The following KCNH7 variants were observed in gnomAD, a reference collection of about 807,000 sequenced individuals.
KCNH7 encodes voltage-gated inwardly rectifying potassium channel KCNH7.
A neutral mutation model predicts 120.8 loss-of-function variants in KCNH7; 49 were observed. The observed-to-expected ratio is 0.41, with a 90% CI of 0.32 to 0.51. The LOEUF (loss-of-function observed/expected upper bound fraction) is 0.51. Ranked by LOEUF, KCNH7 falls within the 20% of genes least tolerant of loss-of-function variation. The pLI is 0.38. For missense variants in KCNH7, 1,097 were observed against 1,446.6 expected (o/e 0.76, Z 3.92); for synonymous variants, 547 against 516.1 (o/e 1.06, Z -0.81).
At chr2:162,425,036 A>T (rs1687813775) in intron 8 of KCNH7, among the ~76,000 whole-genome samples, 1 of 152,112 alleles carries the variant, frequency 6.6e-6, no homozygotes, top group South Asian at 2.1e-4. Context: ...CATCCAACTC[A>T]TTGAAGGCCT....
chr2:162,686,656 A>T (rs1685903409), intron 2 of KCNH7, among the ~76,000 whole-genome samples: 1 of 152,106 alleles, frequency 6.6e-6, no homozygotes, highest in African/African-American at 2.4e-5. Context: ...AGAACTGTGG[A>T]TCTCTACTTG....
intron 2 of KCNH7, among the ~76,000 whole-genome samples, chr2:162,794,225 G>A (rs1001773028): frequency 6.6e-6 from 1 of 151,408 alleles, no homozygotes; most frequent in Non-Finnish European, 1.5e-5. Flanking sequence ...AAAGAAGGAA[G>A]GAAGGAAGGG....
At chr2:162,837,547 T>C (rs1204000044) in intron 1 of KCNH7, among the ~76,000 whole-genome samples, 1 of 152,326 alleles carries the variant, frequency 6.6e-6, no homozygotes, top group Middle Eastern at 3.4e-3. Context: ...CAAGTTTAGT[T>C]TGTACGCAAG....
chr2:162,631,040 G>C (rs1186778551), intron 2 of KCNH7, among the ~76,000 whole-genome samples: 1 of 152,134 alleles, frequency 6.6e-6, no homozygotes, highest in East Asian at 1.9e-4. Flanking sequence ...TACTAGGTTA[G>C]TGTCAACTGC....
At chr2:162,489,709 C>T (rs1690226283) in intron 6 of KCNH7, among the ~76,000 whole-genome samples, 1 of 152,164 alleles carries the variant, frequency 6.6e-6, no homozygotes, top group Non-Finnish European at 1.5e-5. Context: ...ATTCTTATAG[C>T]TTCCAGATAT....
intron 3 of KCNH7, among the ~76,000 whole-genome samples, chr2:162,520,615 C>CA (rs961862425): frequency 5.3e-5 from 8 of 151,152 alleles, no homozygotes; most frequent in South Asian, 2.1e-4. Flanking sequence ...ACAACAACAA[C>CA]AAAAAAAACT....
chr2:162,820,033 C>CTTTTTTTTT (rs66809770), intron 2 of KCNH7, among the ~76,000 whole-genome samples: 6 of 77,040 alleles, frequency 7.8e-5, no homozygotes, highest in African/African-American at 1.0e-4. Context: ...ATTCCATAAA[C>CTTTTTTTTT]TTTTTTTTTT....
chr2:162,505,895 G>A (rs16846778), intron 5 of KCNH7, among the ~76,000 whole-genome samples: 5,344 of 151,804 alleles, frequency 0.035, 401 homozygotes, highest in Admixed American at 0.18. Context: ...TTAAGATTTT[G>A]CATTTTGGAC....
chr2:162,573,648 TG>T lies in KCNH7; in HGVS notation c.308-36569del, dbSNP rs539562821. ...GCAAAAGTATTTCGGCCACCTTTTT[TG>T]TGTGTGTGTTTATGTTGCATACATC... On this transcript the variant is annotated intron_variant, in intron 2 of 15. Coordinates refer to ENST00000332142, the MANE Select transcript of KCNH7 (RefSeq NM_033272.4). 5.7e-3 allele frequency among the ~76,000 whole-genome samples: 861 copies of T among 152,134 alleles called. 9 individuals are homozygous for T. Among genetic ancestry groups the T allele is most frequent in the African/African-American group, 0.02 (812 of 41,528 alleles).
intron 6 of KCNH7, among the ~76,000 whole-genome samples, chr2:162,462,693 T>G (rs1689185018): frequency 1.3e-5 from 2 of 152,084 alleles, no homozygotes. Context: ...CACAGTTAGA[T>G]GATTCCTCAT....
chr2:162,729,571 T>C (rs1687649018), intron 2 of KCNH7, among the ~76,000 whole-genome samples: 1 of 152,196 alleles, frequency 6.6e-6, no homozygotes. Flanking sequence ...ATCATTTGTG[T>C]ATACAGACAA....
chr2:162,568,022 G>C (rs1051773875), intron 2 of KCNH7, among the ~76,000 whole-genome samples: 1 of 151,982 alleles, frequency 6.6e-6, no homozygotes, highest in African/African-American at 2.4e-5. Context: ...AAATTAAAAA[G>C]TTTTAATTGA....
intron 2 of KCNH7, among the ~76,000 whole-genome samples, chr2:162,725,004 G>A (rs1459029181): frequency 6.6e-6 from 1 of 152,200 alleles, no homozygotes; most frequent in African/African-American, 2.4e-5. Context: ...TCAGCCAACA[G>A]CTTGCTGATG....
At chr2:162,490,715 C>G (rs74869128) in intron 6 of KCNH7, among the ~76,000 whole-genome samples, 2,213 of 152,304 alleles carry the variant, frequency 0.015, 57 homozygotes, top group African/African-American at 0.051. Flanking sequence ...CCATCACTCT[C>G]AGGGCTTGGG....
chr2:162,394,287 G>T, intron 12 of KCNH7, 102 bp downstream of exon 12: 1 of 742,642 alleles, frequency 1.3e-6, no homozygotes, highest in South Asian at 1.5e-5. Flanking sequence ...CCTAAAGCCT[G>T]AGTAAAATAT....
At chr2:162,790,798 A>C (rs1012512400) in intron 2 of KCNH7, among the ~76,000 whole-genome samples, 15 of 152,094 alleles carry the variant, frequency 9.9e-5, no homozygotes, top group Admixed American at 7.9e-4. Flanking sequence ...CATAATAAAA[A>C]CTCAACAAAT....
At chr2:162,769,572 A>G (rs1018959332) in intron 2 of KCNH7, among the ~76,000 whole-genome samples, 3 of 152,164 alleles carry the variant, frequency 2.0e-5, no homozygotes, top group African/African-American at 7.2e-5. Context: ...GAAAAGGTAG[A>G]GAAAAATACA....
intron 2 of KCNH7, among the ~76,000 whole-genome samples, chr2:162,671,665 C>G (rs556314859): frequency 6.6e-6 from 1 of 151,770 alleles, no homozygotes; most frequent in South Asian, 2.1e-4. Flanking sequence ...CACCACTATG[C>G]AATATATCTA....
At position 162,780,711 on chromosome 2, in the gene KCNH7, ATG is replaced by A. The variant is rs1446955822; in HGVS notation, c.307+55824_307+55825del. Among the ~76,000 whole-genome samples the A allele has an allele frequency of 4.6e-5, 7 of 152,284 alleles. No individual in the cohort carries two copies. In the South Asian group the frequency reaches 1.0e-3, roughly 23 times the overall value. On this transcript the variant is annotated intron_variant, in intron 2 of 15. Coordinates refer to ENST00000332142, the MANE Select transcript of KCNH7 (RefSeq NM_033272.4). ...TTATGTAAAGTTAGTTACGTGTAAA[ATG>A]TGTTAGAGTTCCAAACAATCGACTC...
Sources: gnomAD v4.1 joint callset for allele counts (sites outside exome capture counted in the v4.1 genomes callset) on GRCh38, gnomAD v4.1.1 for gene constraint, MANE v1.5 for transcripts, NCBI Gene and HGNC (gene_info 2026-07-23, HGNC 2026-07-21) for gene names.